The following BIN1 variants were observed in gnomAD, a reference collection of about 807,000 sequenced individuals.
BIN1 encodes myc box-dependent-interacting protein 1.
In BIN1, 53 loss-of-function variants were observed where a neutral mutation model predicts 82.0. The observed-to-expected ratio is 0.65, with a 90% CI of 0.52 to 0.81. The LOEUF is 0.81. BIN1 is among the 40% of genes least tolerant of loss of function. BIN1 has a pLI of 0.00. For missense variants in BIN1, 642 were observed against 784.4 expected (o/e 0.82, Z 2.17); for synonymous variants, 302 against 328.0 (o/e 0.92, Z 0.86).
intron 9 of BIN1, 136 bp downstream of exon 9, chr2:127,063,435 G>A: frequency 2.1e-6 from 2 of 954,548 alleles, no homozygotes; most frequent in Middle Eastern, 3.1e-4. Context: ...CACAGGGCCG[G>A]GAGGGAGCCC....
chr2:127,080,772 A>G (rs1687187264), intron 1 of BIN1, among the ~76,000 whole-genome samples: 1 of 143,420 alleles, frequency 7.0e-6, no homozygotes, highest in South Asian at 2.5e-4. Context: ...CAGGGCAGGG[A>G]GGGGGGGCAG....
Position 127,094,997 on chromosome 2 carries a change from C to T in BIN1, c.84+11863G>A, listed in dbSNP as rs557989329. The stretch of plus-strand genomic sequence containing the variant: ...GGTGGGCGGGTCAACTCGGGGAAGG[C>T]GGTGACATTCCAGCTCAGCCAGGCT... On this transcript the variant is annotated intron_variant, in intron 1 of 18. Transcript: ENST00000316724. 7.0e-4 allele frequency among the ~76,000 whole-genome samples: 106 copies of T among 152,298 alleles called. 1 individual carries two copies. The South Asian group carries it at 0.013, about 19-fold the overall frequency.
At chr2:127,062,824 C>T (rs1372667339) in intron 9 of BIN1, among the ~76,000 whole-genome samples, 1 of 152,072 alleles carries the variant, frequency 6.6e-6, no homozygotes, top group African/African-American at 2.4e-5. Flanking sequence ...CTCCAATCTT[C>T]GAAGGGAAAA....
chr2:127,097,549 G>A (rs1054354385), intron 1 of BIN1, among the ~76,000 whole-genome samples: 17 of 152,254 alleles, frequency 1.1e-4, no homozygotes, highest in African/African-American at 4.1e-4. Context: ...CCTGGCCCCT[G>A]TGTCCCCAGC....
In BIN1 at chr2:127,107,153, A is replaced by T. The variant is rs1681273938; in HGVS notation, c.-210T>A. 3 of 447,032 alleles carry T rather than the reference A, an allele frequency of 6.7e-6. No individual in the cohort carries two copies. The highest frequency in any genetic ancestry group is 1.1e-5 in the Non-Finnish European group (3 of 272,476). The allele number at this position is 447,032 out of a possible 1,614,324, so 27.7% of individuals were successfully genotyped here. Reference sequence around the variant, plus strand: ...TAGCCAGCGAGCGACGCGGGGACAGAGGGAGGGAGAGGGGAGGGGCCGGGC... The same window carrying T: ...TAGCCAGCGAGCGACGCGGGGACAGTGGGAGGGAGAGGGGAGGGGCCGGGC... On this transcript the variant is annotated 5_prime_UTR_variant, in exon 1 of 19. Coordinates refer to ENST00000316724, the MANE Select transcript of BIN1 (RefSeq NM_139343.3). The surrounding 1 kb of genome is among the most constrained non-coding windows in gnomAD (Gnocchi z 5.9).
intron 2 of BIN1, among the ~76,000 whole-genome samples, chr2:127,071,608 G>A (rs1685904791): frequency 6.6e-6 from 1 of 152,190 alleles, no homozygotes; most frequent in Non-Finnish European, 1.5e-5. Flanking sequence ...GGAAAGCTGA[G>A]TGGAGAACTC....
chr2:127,093,851 C>T lies in BIN1; in HGVS notation c.84+13009G>A, dbSNP rs1679248039. 6.6e-6 allele frequency among the ~76,000 whole-genome samples: 1 copy of T among 152,216 alleles called. No homozygotes were observed. Among genetic ancestry groups the T allele is most frequent in the Non-Finnish European group, 1.5e-5 (1 of 68,042 alleles). On this transcript the variant is annotated intron_variant, in intron 1 of 18. Coordinates refer to ENST00000316724, the MANE Select transcript of BIN1 (RefSeq NM_139343.3). This position sits in a 1 kb window ranked among gnomAD's most constrained non-coding sequence, Gnocchi z 5.7. ...CCTCCCCTTCCTTCCTTCCCAAGGC[C>T]TCAAGCCCTACCATCTGGATCCTGA...
intron 2 of BIN1, among the ~76,000 whole-genome samples, chr2:127,072,652 A>AT (rs1686042985): frequency 6.6e-6 from 1 of 152,038 alleles, no homozygotes; most frequent in African/African-American, 2.4e-5. Flanking sequence ...AATTCCTTTA[A>AT]TCCCCCATAG....
chr2:127,099,806 C>A (rs984224890), intron 1 of BIN1, among the ~76,000 whole-genome samples: 15 of 149,238 alleles, frequency 1.0e-4, no homozygotes, highest in African/African-American at 3.7e-4. Flanking sequence ...GCCACTGCGC[C>A]TGGCCTTTTT....
intron 1 of BIN1, among the ~76,000 whole-genome samples, chr2:127,083,126 G>A (rs1051209716): frequency 1.4e-5 from 2 of 140,430 alleles, no homozygotes; most frequent in Non-Finnish European, 3.0e-5. Flanking sequence ...TTGCTATGTC[G>A]TCCAAGCTAG....
Position 127,059,191 on chromosome 2 carries a change from G to T in BIN1, c.858-36C>A. 1 of 1,555,084 alleles carries T rather than the reference G, an allele frequency of 6.4e-7. No homozygotes were observed. The highest frequency in any genetic ancestry group is 2.4e-5 in the East Asian group (1 of 41,754). ...GGACAAGAAAGGGAGCCCAGTGTTG[G>T]GGGGCCAAGGCACAGGAGACGGAGG... On this transcript the variant is annotated intron_variant, in intron 10 of 18. Coordinates refer to ENST00000316724, the MANE Select transcript of BIN1 (RefSeq NM_139343.3). This position sits in a 1 kb window ranked among gnomAD's most constrained non-coding sequence, Gnocchi z 6.7.
chr2:127,048,656 G>A (rs752848474), intron 18 of BIN1, 23 bp from the exon 19 acceptor site: 20 of 1,608,154 alleles, frequency 1.2e-5, no homozygotes, highest in East Asian at 2.2e-5. Flanking sequence ...GCACCAGGTC[G>A]CACAGGGATG....
Position 127,059,300 on chromosome 2 carries a change from G to A in BIN1, c.858-145C>T. ...TGTGTGTGTGTGTGTGTGTATGTGA[G>A]AGAGAGCAGGAGGGTGGGGGGAGCC... On this transcript the variant is annotated intron_variant, in intron 10 of 18. Transcript: ENST00000316724. This position sits in a 1 kb window ranked among gnomAD's most constrained non-coding sequence, Gnocchi z 6.7. 1.3e-6 allele frequency: 1 copy of A among 770,634 alleles called. No individual in the cohort carries two copies. The highest frequency in any genetic ancestry group is 2.9e-4 in the Middle Eastern group (1 of 3,418). 47.7% of individuals were successfully genotyped at this position (770,634 alleles called of 1,614,324 possible).
intron 7 of BIN1, 96 bp from the exon 8 acceptor site, chr2:127,064,114 A>C: frequency 1.4e-6 from 2 of 1,432,702 alleles, no homozygotes; most frequent in Non-Finnish European, 1.9e-6. Context: ...CCTCTTGGCC[A>C]GTGCGCTGGG....
rs561649871 is a variant in BIN1 at position 127,059,994 on chromosome 2, G to A, written c.858-839C>T. On this transcript the variant is annotated intron_variant, in intron 10 of 18. Coordinates refer to ENST00000316724, the MANE Select transcript of BIN1 (RefSeq NM_139343.3). This position sits in a 1 kb window ranked among gnomAD's most constrained non-coding sequence, Gnocchi z 6.7. ...ACGTGTAATTCAAATGAAAAGTTCCGCTGCCCGGTCACACTGGCCAGTTTC... is the reference window on the plus strand; with the variant it reads ...ACGTGTAATTCAAATGAAAAGTTCCACTGCCCGGTCACACTGGCCAGTTTC... Among the ~76,000 whole-genome samples the A allele has an allele frequency of 1.3e-5, 2 of 152,256 alleles. No homozygotes were observed. The highest frequency in any genetic ancestry group is 4.1e-4 in the South Asian group (2 of 4,820).
intron 10 of BIN1, among the ~76,000 whole-genome samples, chr2:127,060,860 G>A (rs1398498613): frequency 6.6e-6 from 1 of 152,206 alleles, no homozygotes; most frequent in African/African-American, 2.4e-5. Flanking sequence ...ATGCTAACAG[G>A]GCCTGGTGAG....
At chr2:127,095,148 T>G (rs1320466288) in intron 1 of BIN1, among the ~76,000 whole-genome samples, 1 of 152,246 alleles carries the variant, frequency 6.6e-6, no homozygotes, top group Non-Finnish European at 1.5e-5. Flanking sequence ...GTTCAGCAAA[T>G]GCATCCAATT....
At chr2:127,101,680 C>T (rs1024951356) in intron 1 of BIN1, among the ~76,000 whole-genome samples, 3 of 152,168 alleles carry the variant, frequency 2.0e-5, no homozygotes, top group Non-Finnish European at 2.9e-5. Context: ...TCATCATATG[C>T]CAGTGGTGAA....
At chr2:127,094,148 G>A (rs1332959077) in intron 1 of BIN1, among the ~76,000 whole-genome samples, 1 of 152,166 alleles carries the variant, frequency 6.6e-6, no homozygotes, top group Admixed American at 6.5e-5. Context: ...CTCACAAAAG[G>A]GGACACTGAA....
Sources: gnomAD v4.1 joint callset for allele counts (sites outside exome capture counted in the v4.1 genomes callset) on GRCh38, gnomAD v4.1.1 for gene constraint, Gnocchi (gnomAD v3.1) non-coding constraint, MANE v1.5 for transcripts, NCBI Gene and HGNC (gene_info 2026-07-23, HGNC 2026-07-21) for gene names.